BAZ2B: variants seen among roughly 807,000 people sequenced by gnomAD.
BAZ2B encodes bromodomain adjacent to zinc finger domain protein 2B.
Under a neutral mutation model 246.0 loss-of-function variants are expected in BAZ2B, and 91 were observed. The ratio of observed to expected loss-of-function variants is 0.37; its 90% CI spans 0.31 to 0.44. BAZ2B has a LOEUF of 0.44. Among genes scored for constraint, BAZ2B ranks in the 20% least tolerant of loss-of-function variants. BAZ2B has a pLI of 1.00. For synonymous variants in BAZ2B, 855 were observed against 860.0 expected (o/e 0.99, Z 0.10); for missense variants, 2,332 against 2,533.7 (o/e 0.92, Z 1.71).
At chr2:159,498,085 CA>C (rs1382185527) in intron 2 of BAZ2B, among the ~76,000 whole-genome samples, 11 of 152,158 alleles carry the variant, frequency 7.2e-5, no homozygotes, top group Non-Finnish European at 8.8e-5. Context: ...TATTATTCAG[CA>C]CACAACTAGT....
At chr2:159,454,599 C>T (rs543754248) in intron 3 of BAZ2B, among the ~76,000 whole-genome samples, 35 of 152,300 alleles carry the variant, frequency 2.3e-4, no homozygotes, top group Admixed American at 2.0e-3. Context: ...TAGGGGGCTA[C>T]TGTCATATAT....
chr2:159,564,665 G>A (rs2090191942), intron 1 of BAZ2B, among the ~76,000 whole-genome samples: 2 of 152,170 alleles, frequency 1.3e-5, no homozygotes, highest in African/African-American at 4.8e-5. Flanking sequence ...AAATGACATT[G>A]CCAAATTTTG....
At chr2:159,584,575 A>G (rs527936243) in intron 1 of BAZ2B, among the ~76,000 whole-genome samples, 1 of 152,346 alleles carries the variant, frequency 6.6e-6, no homozygotes, top group East Asian at 1.9e-4. Context: ...GTGAGAATTC[A>G]AATATACTTT....
In BAZ2B at chr2:159,402,605, G is replaced by A. The variant is rs564923594; in HGVS notation, c.2833-1941C>T. Among the ~76,000 whole-genome samples, 414 of 152,242 alleles carry A rather than the reference G, an allele frequency of 2.7e-3. 1 individual carries two copies. The highest frequency in any genetic ancestry group is 6.8e-3 in the Middle Eastern group (2 of 294). ...TGATATCTGAGAAAAGTATACTCTT[G>A]ATCTGACTTTTCTGCTCTTGTCAAT... On this transcript the variant is annotated intron_variant, in intron 16 of 36. Transcript: ENST00000392783.
At chr2:159,649,024 T>G in the BAZ2B span, among the ~76,000 whole-genome samples, 1 of 152,204 alleles carries the variant, frequency 6.6e-6, no homozygotes, top group African/African-American at 2.4e-5. Flanking sequence ...CTAATAGGTG[T>G]GTGGTGTTAT....
chr2:159,689,855 T>C, the BAZ2B span: 1 of 470,486 alleles, frequency 2.1e-6, no homozygotes. Context: ...TTGCTGGTAC[T>C]GAGCATAAGA....
chr2:159,535,352 T>C (rs1265450008), intron 2 of BAZ2B, among the ~76,000 whole-genome samples: 1 of 143,516 alleles, frequency 7.0e-6, no homozygotes. Context: ...TGAAACCCCG[T>C]CTCCACTAAA....
At chr2:159,397,090 C>G in intron 19 of BAZ2B, 2 of 1,439,196 alleles carry the variant, frequency 1.4e-6, no homozygotes, top group Non-Finnish European at 1.9e-6. Context: ...TAGTCTATGC[C>G]TCTCCAACTC....
At chr2:159,334,442 C>T (rs898220564) in intron 33 of BAZ2B, among the ~76,000 whole-genome samples, 11 of 152,104 alleles carry the variant, frequency 7.2e-5, no homozygotes, top group African/African-American at 1.9e-4. Context: ...TTCTTGATAA[C>T]CTTGGTCTTT....
intron 3 of BAZ2B, among the ~76,000 whole-genome samples, chr2:159,465,622 T>C (rs2076939085): frequency 6.6e-6 from 1 of 152,112 alleles, no homozygotes; most frequent in Admixed American, 6.5e-5. Context: ...GGCTAGACAG[T>C]TGAAAATTCA....
intron 10 of BAZ2B, among the ~76,000 whole-genome samples, chr2:159,430,046 G>C (rs995407420): frequency 6.6e-6 from 1 of 152,092 alleles, no homozygotes; most frequent in Non-Finnish European, 1.5e-5. Context: ...GACATGGCAC[G>C]TTAATGGAAT....
the BAZ2B span, among the ~76,000 whole-genome samples, chr2:159,710,023 A>G: frequency 1.3e-5 from 2 of 152,284 alleles, no homozygotes; most frequent in South Asian, 4.1e-4. Flanking sequence ...GATAAAAAGT[A>G]GCAAGGGAAG....
At chr2:159,444,617 T>C (rs968166997) in intron 6 of BAZ2B, 5 of 152,212 alleles carry the variant, frequency 3.3e-5, no homozygotes, top group African/African-American at 1.2e-4. Context: ...TTTGACAAAG[T>C]AGTTCTTAGG....
At chr2:159,580,773 A>G (rs1406303216) in intron 1 of BAZ2B, among the ~76,000 whole-genome samples, 1 of 152,126 alleles carries the variant, frequency 6.6e-6, no homozygotes, top group Non-Finnish European at 1.5e-5. Flanking sequence ...CACATCTACA[A>G]CCATCTGATC....
chr2:159,559,773 A>G lies in BAZ2B; in HGVS notation c.-45-3908T>C, dbSNP rs546973880. Among the ~76,000 whole-genome samples, 33 of 152,358 alleles carry G rather than the reference A, an allele frequency of 2.2e-4. No homozygotes were observed. The South Asian group carries it at 6.8e-3, about 32-fold the overall frequency. The stretch of plus-strand genomic sequence containing the variant: ...AAATCCTAAGTGGCTTTTACAAGCA[A>G]AAGGTAATTCTTTCAAATCATTTCA... On this transcript the variant is annotated intron_variant, in intron 1 of 36. Coordinates refer to ENST00000392783, the MANE Select transcript of BAZ2B (RefSeq NM_013450.4).
chr2:159,523,697 C>CA (rs911152211), intron 2 of BAZ2B, among the ~76,000 whole-genome samples: 24 of 151,418 alleles, frequency 1.6e-4, no homozygotes, highest in African/African-American at 5.1e-4. Flanking sequence ...GACTCCGTCT[C>CA]AAAAAAAAGA....
chr2:159,322,933 T>G (rs1054462423), intron 36 of BAZ2B, among the ~76,000 whole-genome samples: 6 of 151,814 alleles, frequency 4.0e-5, no homozygotes, highest in African/African-American at 1.5e-4. Context: ...TCTCTTTCTC[T>G]TCCCCTGTGA....
At chr2:159,665,574 C>G in the BAZ2B span, among the ~76,000 whole-genome samples, 1 of 108,318 alleles carries the variant, frequency 9.2e-6, no homozygotes, top group East Asian at 2.6e-4. Flanking sequence ...TGATCTTTGA[C>G]AAACCTGAGA....
intron 21 of BAZ2B, among the ~76,000 whole-genome samples, chr2:159,388,365 T>A: frequency 6.6e-6 from 1 of 152,276 alleles, no homozygotes; most frequent in East Asian, 1.9e-4. Flanking sequence ...ATTACAGCAA[T>A]GTTTCTAAAT....
Sources: allele counts gnomAD v4.1 joint callset (sites outside exome capture counted in the v4.1 genomes callset), GRCh38; gene constraint gnomAD v4.1.1; transcripts MANE v1.5; gene names NCBI Gene and HGNC (gene_info 2026-07-23, HGNC 2026-07-21).